The following EYS variants were observed in gnomAD, a reference collection of about 807,000 sequenced individuals.
EYS encodes the protein EGF-like photoreceptor maintenance factor.
EYS carries 250 observed loss-of-function variants against 282.1 expected under a neutral mutation model. The ratio of observed to expected loss-of-function variants is 0.89; its 90% CI spans 0.80 to 0.98. The LOEUF is 0.98. EYS is among the 50% of genes least tolerant of loss of function. EYS has a pLI of 0.00. For synonymous variants in EYS, 1,355 were observed against 1,282.9 expected (o/e 1.06, Z -1.20); for missense variants, 4,016 against 3,709.0 (o/e 1.08, Z -2.15).
chr6:64,550,267 G>T (rs1160115998), intron 26 of EYS, among the ~76,000 whole-genome samples: 1 of 152,088 alleles, frequency 6.6e-6, no homozygotes, highest in Admixed American at 6.5e-5. Flanking sequence ...TGGGATTGCT[G>T]GGTCAAATGG....
Position 65,176,390 on chromosome 6 carries a change from C to T in EYS, c.2024-118663G>A, listed in dbSNP as rs114894849. Among the ~76,000 whole-genome samples, 1,249 of 151,102 alleles carry T rather than the reference C, an allele frequency of 8.3e-3. 21 individuals carry two copies. The highest frequency in any genetic ancestry group is 0.028 in the African/African-American group (1,172 of 41,238). On this transcript the variant is annotated intron_variant, in intron 12 of 42. Transcript: ENST00000503581. ...GGTCCCTGTATGTTGACTTCCCAGA[C>T]GAAAATTAGAAATTGACACAGAAAT...
At chr6:64,884,960 A>G (rs571968262) in intron 19 of EYS, among the ~76,000 whole-genome samples, 1 of 151,806 alleles carries the variant, frequency 6.6e-6, no homozygotes, top group East Asian at 1.9e-4. Context: ...GAAAGACTCA[A>G]TACAGTTAGC....
In EYS at chr6:64,593,113, T is replaced by C; in HGVS notation, c.3877+4A>G. On this transcript the variant is annotated splice_donor_region_variant and intron_variant, in intron 25 of 42. Coordinates refer to ENST00000503581, the MANE Select transcript of EYS (RefSeq NM_001142800.2). ...TTCTTAATATCTTACCCACTTCTAC[T>C]TACCTTGATCAACTGGGTAAGTGTC... is the stretch of plus-strand genomic sequence containing the variant. The C allele has an allele frequency of 6.6e-7, 1 of 1,511,068 alleles. No individual in the cohort carries two copies. The highest frequency in any genetic ancestry group is 8.8e-7 in the Non-Finnish European group (1 of 1,132,306). 93.6% of individuals were successfully genotyped at this position (1,511,068 alleles called of 1,614,324 possible).
At chr6:64,606,363 C>A (rs545636961) in intron 24 of EYS, among the ~76,000 whole-genome samples, 2 of 152,088 alleles carry the variant, frequency 1.3e-5, no homozygotes, top group South Asian at 4.1e-4. Flanking sequence ...TTGAGCCAAT[C>A]TGAGCAAACA....
At chr6:65,359,621 G>T (rs1352949485) in intron 8 of EYS, among the ~76,000 whole-genome samples, 2 of 151,880 alleles carry the variant, frequency 1.3e-5, no homozygotes, top group Non-Finnish European at 2.9e-5. Flanking sequence ...ATTCCCTGGT[G>T]ATTCTATTTA....
rs1456308697 is a variant in EYS at position 64,085,325 on chromosome 6, TGCGCACGTGCGCGCGCAC to T, written c.6425-3341_6425-3324del. Among the ~76,000 whole-genome samples the T allele has an allele frequency of 7.3e-5, 6 of 81,916 alleles. No individual in the cohort carries two copies. In the East Asian group the frequency reaches 2.1e-3, roughly 29 times the overall value. 53.7% of individuals were successfully genotyped at this position (81,916 alleles called of 152,430 possible). On this transcript the variant is annotated intron_variant, in intron 31 of 42. Coordinates refer to ENST00000503581, the MANE Select transcript of EYS (RefSeq NM_001142800.2). ...CCTTCTCCTTCCAGACGCGCGCGCG[TGCGCACGTGCGCGCGCAC>T]ACACACACACACACACACACACAGT...
At chr6:64,249,338 A>G (rs1287723668) in intron 30 of EYS, among the ~76,000 whole-genome samples, 1 of 152,148 alleles carries the variant, frequency 6.6e-6, no homozygotes, top group African/African-American at 2.4e-5. Context: ...ATGTGTCCAC[A>G]TGGTTGTACA....
intron 31 of EYS, among the ~76,000 whole-genome samples, chr6:64,156,771 C>T (rs1270320511): frequency 6.6e-6 from 1 of 152,060 alleles, no homozygotes; most frequent in Non-Finnish European, 1.5e-5. Context: ...GAACTTTGAA[C>T]TTGAGAGAGA....
intron 26 of EYS, among the ~76,000 whole-genome samples, chr6:64,445,254 G>T (rs1461574309): frequency 6.6e-6 from 1 of 152,078 alleles, no homozygotes; most frequent in Non-Finnish European, 1.5e-5. Context: ...TTAAACAGAT[G>T]AGAATAATGA....
intron 22 of EYS, among the ~76,000 whole-genome samples, chr6:64,676,623 G>C (rs1171371242): frequency 6.6e-6 from 1 of 152,074 alleles, no homozygotes; most frequent in Non-Finnish European, 1.5e-5. Flanking sequence ...GTCTTAGTCT[G>C]TTTGGGCTGC....
intron 12 of EYS, among the ~76,000 whole-genome samples, chr6:65,109,032 A>G (rs1297464256): frequency 6.6e-6 from 1 of 151,940 alleles, no homozygotes; most frequent in Non-Finnish European, 1.5e-5. Flanking sequence ...TTTTAGCTCT[A>G]GAACGTCTTT....
At chr6:64,552,738 C>A (rs191108936) in intron 26 of EYS, among the ~76,000 whole-genome samples, 1 of 147,964 alleles carries the variant, frequency 6.8e-6, no homozygotes, top group East Asian at 2.0e-4. Context: ...CATGGTGAAC[C>A]CCCCCCACCA....
intron 41 of EYS, among the ~76,000 whole-genome samples, chr6:63,742,987 C>A (rs1022970264): frequency 6.6e-6 from 1 of 151,818 alleles, no homozygotes; most frequent in Non-Finnish European, 1.5e-5. Context: ...GTATAAATGT[C>A]CAGCAATGTG....
intron 8 of EYS, among the ~76,000 whole-genome samples, chr6:65,362,528 T>G (rs1764748981): frequency 6.7e-6 from 1 of 149,942 alleles, no homozygotes; most frequent in Non-Finnish European, 1.5e-5. Flanking sequence ...TGCATATACA[T>G]TACATATATG....
intron 12 of EYS, among the ~76,000 whole-genome samples, chr6:65,259,530 GT>G (rs1181382984): frequency 6.6e-6 from 1 of 152,056 alleles, no homozygotes; most frequent in Non-Finnish European, 1.5e-5. Flanking sequence ...AATTTAGATA[GT>G]AAAATTGCCA....
intron 26 of EYS, among the ~76,000 whole-genome samples, chr6:64,447,028 A>G (rs966110450): frequency 6.6e-6 from 1 of 151,800 alleles, no homozygotes; most frequent in East Asian, 1.9e-4. Context: ...TTTTCTGTTA[A>G]GTGAAGTATT....
intron 36 of EYS, among the ~76,000 whole-genome samples, chr6:63,837,183 G>C (rs185380253): frequency 5.3e-5 from 8 of 152,154 alleles, no homozygotes; most frequent in African/African-American, 1.9e-4. Context: ...GTGATTCCTA[G>C]AGCTGTAACT....
intron 15 of EYS, among the ~76,000 whole-genome samples, chr6:64,914,290 G>A (rs1227701475): frequency 5.3e-5 from 8 of 152,040 alleles, no homozygotes; most frequent in Non-Finnish European, 1.5e-5. Flanking sequence ...TCAATTTGTG[G>A]GCAAGGTAGA....
intron 12 of EYS, among the ~76,000 whole-genome samples, chr6:65,119,727 C>G (rs952773585): frequency 6.7e-6 from 1 of 149,078 alleles, no homozygotes; most frequent in Non-Finnish European, 1.5e-5. Flanking sequence ...AATAGCTAGG[C>G]ATGGTGGTAT....
Sources: allele counts gnomAD v4.1 joint callset (sites outside exome capture counted in the v4.1 genomes callset), GRCh38; gene constraint gnomAD v4.1.1; transcripts MANE v1.5; gene names NCBI Gene and HGNC (gene_info 2026-07-23, HGNC 2026-07-21).